Variants in KHDRBS2 observed in about 807,000 individuals in gnomAD.
The protein encoded by KHDRBS2 is KH domain-containing, RNA-binding, signal transduction-associated protein 2.
In KHDRBS2, 26 loss-of-function variants were observed where a neutral mutation model predicts 44.3. The ratio of observed to expected loss-of-function variants is 0.59; its 90% CI spans 0.43 to 0.81. The LOEUF (loss-of-function observed/expected upper bound fraction) is 0.81, where lower values mean the gene tolerates loss of function less well. Among genes scored for constraint, KHDRBS2 ranks in the 40% least tolerant of loss-of-function variants. The probability of loss-of-function intolerance (pLI) is 0.00; values close to 1 mark genes in which losing one functional copy is unlikely to be tolerated. For synonymous variants in KHDRBS2, 194 were observed against 151.1 expected, an observed-to-expected ratio of 1.28 and a Z score of -2.08; for missense variants, 476 against 433.1, an observed-to-expected ratio of 1.10 and a Z score of -0.88.
the KHDRBS2 span, among the ~76,000 whole-genome samples, chr6:61,648,823 C>T: frequency 1.3e-5 from 2 of 152,170 alleles, no homozygotes; most frequent in East Asian, 1.9e-4. Flanking sequence ...TTTTATAACA[C>T]GTCAGATTTA....
At chr6:62,087,616 CCCTTAACATTTTTT>C (rs1798644974) in intron 2 of KHDRBS2, among the ~76,000 whole-genome samples, 1 of 152,086 alleles carries the variant, frequency 6.6e-6, no homozygotes. Flanking sequence ...TCTCTAGTTG[CCCTTAACATTTTTT>C]CCTTTATTTC....
chr6:61,565,151 G>A, the KHDRBS2 span, among the ~76,000 whole-genome samples: 41 of 151,918 alleles, frequency 2.7e-4, no homozygotes, highest in African/African-American at 7.5e-4. Flanking sequence ...ATGTCTCACC[G>A]TATACAAATA....
At chr6:62,224,127 A>C (rs1394397275) in intron 1 of KHDRBS2, among the ~76,000 whole-genome samples, 1 of 152,208 alleles carries the variant, frequency 6.6e-6, no homozygotes, top group African/African-American at 2.4e-5. Flanking sequence ...CTTCAGTTCC[A>C]TATGGCTGGG....
At chr6:61,852,623 A>G (rs1408478497) in intron 6 of KHDRBS2, among the ~76,000 whole-genome samples, 2 of 151,954 alleles carry the variant, frequency 1.3e-5, no homozygotes, top group African/African-American at 4.8e-5. Flanking sequence ...CACTGTGATT[A>G]AAGGAGGCCA....
intron 1 of KHDRBS2, among the ~76,000 whole-genome samples, chr6:62,232,189 TA>T (rs1470533754): frequency 6.6e-6 from 1 of 152,134 alleles, no homozygotes; most frequent in Non-Finnish European, 1.5e-5. Context: ...ACAGATACAA[TA>T]ACACTGTAAT....
intron 2 of KHDRBS2, among the ~76,000 whole-genome samples, chr6:62,117,016 AC>A (rs1806410121): frequency 6.6e-6 from 1 of 152,178 alleles, no homozygotes; most frequent in Non-Finnish European, 1.5e-5. Context: ...TATGAAGTCA[AC>A]CAATTACATA....
chr6:61,546,989 G>T, the KHDRBS2 span, among the ~76,000 whole-genome samples: 1 of 151,944 alleles, frequency 6.6e-6, no homozygotes, highest in Non-Finnish European at 1.5e-5. Context: ...ACCACCTCTG[G>T]ACAGGATGCG....
intron 2 of KHDRBS2, among the ~76,000 whole-genome samples, chr6:62,140,041 C>A (rs1367773854): frequency 1.3e-5 from 2 of 152,136 alleles, no homozygotes; most frequent in East Asian, 3.9e-4. Flanking sequence ...AACCTAAACC[C>A]TATGGTTTAT....
chr6:61,627,198 A>G, the KHDRBS2 span, among the ~76,000 whole-genome samples: 1 of 131,474 alleles, frequency 7.6e-6, no homozygotes, highest in Non-Finnish European at 1.5e-5. Flanking sequence ...GCTTGCAGTG[A>G]GCCGAGATCG....
intron 4 of KHDRBS2, among the ~76,000 whole-genome samples, chr6:61,919,251 T>A (rs1187249347): frequency 6.6e-6 from 1 of 151,888 alleles, no homozygotes; most frequent in African/African-American, 2.4e-5. Context: ...ATAAAATATA[T>A]GATTGCATAT....
intron 4 of KHDRBS2, among the ~76,000 whole-genome samples, chr6:61,941,233 A>G (rs1021938511): frequency 1.4e-4 from 21 of 152,090 alleles, no homozygotes; most frequent in African/African-American, 5.1e-4. Flanking sequence ...GCTGGCACCT[A>G]CCTTCATGTG....
chr6:61,617,584 A>G, the KHDRBS2 span, among the ~76,000 whole-genome samples: 13 of 152,136 alleles, frequency 8.5e-5, no homozygotes, highest in Non-Finnish European at 1.5e-4. Context: ...AATACAAATT[A>G]AGAAGAATGT....
At position 61,975,883 on chromosome 6, in the gene KHDRBS2, T is replaced by C. The variant is rs144537637; in HGVS notation, c.483+2183A>G. On this transcript the variant is annotated intron_variant, in intron 4 of 8. Coordinates refer to ENST00000281156, the MANE Select transcript of KHDRBS2 (RefSeq NM_152688.4). ...GTTGGGGAAGAGTTTTCTACAAAGC[T>C]AACCTTTAAGCTGACAGCTGGATGC... is the stretch of plus-strand genomic sequence containing the variant. 2.2e-3 allele frequency among the ~76,000 whole-genome samples: 337 copies of C among 152,250 alleles called. 4 individuals carry two copies. The highest frequency in any genetic ancestry group is 0.017 in the Admixed American group (258 of 15,270).
At position 62,227,517 on chromosome 6, in the gene KHDRBS2, C is replaced by A. The variant is rs373725289; in HGVS notation, c.92-50205G>T. Among the ~76,000 whole-genome samples, 104 of 152,260 alleles carry A rather than the reference C, an allele frequency of 6.8e-4. 1 individual carries two copies. Among genetic ancestry groups the A allele is most frequent in the African/African-American group, 2.4e-3 (98 of 41,546 alleles). On this transcript the variant is annotated intron_variant, in intron 1 of 8. Transcript: ENST00000281156. ...CTTCCTATTTGAATGCCAATTATTT[C>A]TTTCTCTTGCCTAACTGCCCTGCCC...
At chr6:62,216,122 G>T (rs1829938892) in intron 1 of KHDRBS2, among the ~76,000 whole-genome samples, 1 of 151,494 alleles carries the variant, frequency 6.6e-6, no homozygotes, top group African/African-American at 2.4e-5. Flanking sequence ...TTAGCCAAAA[G>T]GTACATGAGT....
intron 8 of KHDRBS2, among the ~76,000 whole-genome samples, chr6:61,684,970 C>T (rs1360101916): frequency 1.3e-5 from 2 of 151,440 alleles, no homozygotes; most frequent in African/African-American, 4.8e-5. Context: ...TGAAGATCTC[C>T]TATATGCCAG....
intron 6 of KHDRBS2, among the ~76,000 whole-genome samples, chr6:61,890,035 C>T (rs1220475257): frequency 6.6e-6 from 1 of 152,214 alleles, no homozygotes; most frequent in Non-Finnish European, 1.5e-5. Flanking sequence ...CTCCTCACCT[C>T]TCTCCGGAGC....
intron 3 of KHDRBS2, among the ~76,000 whole-genome samples, chr6:61,999,564 T>C (rs180917013): frequency 3.3e-4 from 50 of 152,226 alleles, no homozygotes; most frequent in African/African-American, 1.1e-3. Flanking sequence ...TCCAAAGCTA[T>C]GATCCTTCTT....
chr6:62,002,876 A>G (rs570730006), intron 3 of KHDRBS2, among the ~76,000 whole-genome samples: 2 of 152,108 alleles, frequency 1.3e-5, no homozygotes, highest in South Asian at 4.2e-4. Flanking sequence ...AGATTCTATA[A>G]CAGAATTTTA....
Sources: allele counts gnomAD v4.1 joint callset (sites outside exome capture counted in the v4.1 genomes callset), GRCh38; gene constraint gnomAD v4.1.1; transcripts MANE v1.5; gene names NCBI Gene and HGNC (gene_info 2026-07-23, HGNC 2026-07-21).